Variants in THBS3 observed in about 807,000 individuals in gnomAD.
The protein encoded by THBS3 is thrombospondin-3.
A neutral mutation model predicts 118.3 loss-of-function variants in THBS3; 78 were observed. The observed-to-expected ratio is 0.66, with a 90% CI of 0.55 to 0.80. The LOEUF (loss-of-function observed/expected upper bound fraction) is 0.80, where lower values mean the gene tolerates loss of function less well. Ranked by LOEUF, THBS3 falls within the 30% of genes least tolerant of loss-of-function variation. THBS3 has a pLI of 0.00. For synonymous variants in THBS3, 427 were observed against 475.3 expected, an observed-to-expected ratio of 0.90 and a Z score of 1.32; for missense variants, 1,057 against 1,247.4, an observed-to-expected ratio of 0.85 and a Z score of 2.30.
At chr1:155,208,559 T>G (rs1670869934), upstream of THBS3, 1 of 464,450 alleles carries the variant, frequency 2.2e-6, no homozygotes, top group African/African-American at 2.0e-5. Context: ...AGACCAGGGG[T>G]ACAGGCGAGG....
rs147564978 is a variant in THBS3, at chr1:155,200,558, G to T, written c.1601C>A (p.Ser534Ter). ...GCAATTGTCACAGGCATCACCAAAT[G>T]AATCTGTATCTGAGTTCTGCTGGTC... ...NKDQQNSDTD[S>*]FGDACDNCPN... The change falls in exon 14 of 23, where the codon TCA becomes TAA. Residue 534 changes from serine (S) to a stop codon, truncating the protein, a stop_gained. Transcript: ENST00000368378. LOFTEE classifies it high-confidence loss of function. The T allele has an allele frequency of 1.2e-6, 2 of 1,614,072 alleles. No homozygotes were observed. The highest frequency in any genetic ancestry group is 1.7e-6 in the Non-Finnish European group (2 of 1,180,046).
intron 4 of THBS3, among the ~76,000 whole-genome samples, chr1:155,203,872 C>G (rs1169485149): frequency 6.6e-6 from 1 of 151,336 alleles, no homozygotes; most frequent in African/African-American, 2.4e-5. Context: ...GAGTCTTGCT[C>G]TGTTTCCCAG....
Position 155,197,413 on chromosome 1 carries a change from G to A in THBS3, c.2499+50C>T. On this transcript the variant is annotated intron_variant, in intron 20 of 22. Transcript: ENST00000368378. The surrounding 1 kb of genome is among the most constrained non-coding windows in gnomAD (Gnocchi z 5.0). ...TGGGGGAGGCCCTGGGGCTGCAGAG[G>A]AGAGCTTTGGGAAAGGGCCCTGGGT... 6.3e-7 allele frequency: 1 copy of A among 1,591,664 alleles called. No individual in the cohort carries two copies. Among genetic ancestry groups the A allele is most frequent in the Non-Finnish European group, 8.6e-7 (1 of 1,167,952 alleles).
Position 155,200,913 on chromosome 1 carries a change from C to G in THBS3, c.1532G>C (p.Gly511Ala), listed in dbSNP as rs1571894642. The G allele has an allele frequency of 6.2e-7, 1 of 1,614,032 alleles. No individual in the cohort carries two copies. Among genetic ancestry groups the G allele is most frequent in the South Asian group, 1.1e-5 (1 of 91,074 alleles). ...DQCDDDADGDGIKNVEDNCRL... is the reference protein window; with the variant it reads ...DQCDDDADGDAIKNVEDNCRL... ...GGGAGTCACCTCAACATTCTTGATC[C>G]CATCCCCATCAGCATCATCATCACA... Residue 511 changes from glycine to alanine, a missense_variant, in exon 13 of 23, where the codon GGG becomes GCG. Physicochemically the swap from Gly to Ala is moderately conservative, Grantham distance 60 (BLOSUM62 0). This residue lies in a region of THBS3 where 544 missense variants were observed against 715.6 expected (regional missense o/e 0.76). Transcript: ENST00000368378.
rs1050596327 is a variant in THBS3, at chr1:155,199,931, A to G, written c.1827+64T>C. 3.7e-6 allele frequency: 6 copies of G among 1,611,846 alleles called. No homozygotes were observed. The Admixed American group carries it at 1.0e-4, about 27-fold the overall frequency. ...AGGGTGATCTGACCACTTTCCATCC[A>G]AAGGGCTGGGGCTTCATCCATCAGT... On this transcript the variant is annotated intron_variant, in intron 15 of 22. Transcript: ENST00000368378.
chr1:155,196,947 T>C, intron 21 of THBS3, 94 bp downstream of exon 21: 1 of 1,273,508 alleles, frequency 7.9e-7, no homozygotes, highest in South Asian at 1.4e-5. Flanking sequence ...TGGCTGCAGT[T>C]CCCACCCATG....
At chr1:155,198,243 C>T (rs1285143342) in intron 17 of THBS3, 23 bp from the exon 18 acceptor site, 1 of 1,612,624 alleles carries the variant, frequency 6.2e-7, no homozygotes. Context: ...AGGCTGGGTG[C>T]TCAGGAAGGC....
rs192006680 is a variant in THBS3 at position 155,197,980 on chromosome 1, C to T, written c.2254-52G>A. 1,208 of 1,614,134 alleles carry T rather than the reference C, an allele frequency of 7.5e-4. 5 individuals carry two copies. Among genetic ancestry groups the T allele is most frequent in the Non-Finnish European group, 1.2e-4 (147 of 1,179,994 alleles). ...TGTGATGCAGGTGTGCTATCCCTCC[C>T]AGGCCCCCCGTCCCAGTAGCCCTGT... On this transcript the variant is annotated intron_variant, in intron 18 of 22. Transcript: ENST00000368378. The surrounding 1 kb of genome is among the most constrained non-coding windows in gnomAD (Gnocchi z 5.0).
chr1:155,208,295 C>T (rs1245279910), upstream of THBS3, among the ~76,000 whole-genome samples: 1 of 152,160 alleles, frequency 6.6e-6, no homozygotes, highest in African/African-American at 2.4e-5. Context: ...AGGGAGTGGC[C>T]GCAACTAGCT....
intron 21 of THBS3, 153 bp from the exon 22 acceptor site, chr1:155,196,279 AG>A (rs1668653349): frequency 2.1e-6 from 2 of 937,076 alleles, no homozygotes; most frequent in Admixed American, 2.6e-5. Context: ...CAGGAAGGAG[AG>A]GGAAGGGGGG....
chr1:155,200,248 C>A, intron 14 of THBS3, 135 bp from the exon 15 acceptor site: 1 of 1,017,520 alleles, frequency 9.8e-7, no homozygotes. Flanking sequence ...CTTGTCTCAC[C>A]CTCTAGTCCA....
At chr1:155,207,055 G>A (rs1670659632) in intron 1 of THBS3, among the ~76,000 whole-genome samples, 1 of 152,224 alleles carries the variant, frequency 6.6e-6, no homozygotes, top group East Asian at 1.9e-4. Context: ...TCCCCCACAG[G>A]AGTGGCACCT....
At chr1:155,203,492 G>A (rs369532857) in intron 5 of THBS3, 21 bp downstream of exon 5, 48 of 1,613,146 alleles carry the variant, frequency 3.0e-5, no homozygotes, top group African/African-American at 8.0e-5. Context: ...CCCCGCTTCC[G>A]CTTCAGTGTG....
rs1395487682 is a variant in THBS3 at position 155,199,189 on chromosome 1, TCA to T, written c.1881-589_1881-588del. ...ACTTTGGGAGGCTGAGGCAGGCAAA[TCA>T]CGAGATCAGGAGATCGAGACCATCC... On this transcript the variant is annotated intron_variant, in intron 16 of 22. Coordinates refer to ENST00000368378, the MANE Select transcript of THBS3 (RefSeq NM_007112.5). 4.0e-5 allele frequency among the ~76,000 whole-genome samples: 6 copies of T among 148,664 alleles called. No individual in the cohort carries two copies. In the East Asian group the frequency reaches 1.2e-3, roughly 29 times the overall value.
upstream of THBS3, chr1:155,209,154 T>C (rs527512238): frequency 1.8e-4 from 273 of 1,515,770 alleles, 2 homozygotes; most frequent in Middle Eastern, 1.6e-3. Context: ...CCAGGCCCCC[T>C]GACCGCAACG....
chr1:155,199,409 CA>C (rs11355526), intron 16 of THBS3, among the ~76,000 whole-genome samples: 73,074 of 121,552 alleles, frequency 0.6, 20,209 homozygotes, highest in East Asian at 0.77. Flanking sequence ...GACTCCGTCT[CA>C]AAAAAAAAAA....
rs1345271356 is a variant in THBS3, at chr1:155,198,462, G to A, written c.2021C>T (p.Pro674Leu). 6 of 1,614,194 alleles carry A rather than the reference G, an allele frequency of 3.7e-6. No individual in the cohort carries two copies. The highest frequency in any genetic ancestry group is 5.1e-6 in the Non-Finnish European group (6 of 1,180,030). The stretch of plus-strand genomic sequence containing the variant: ...TACCAGGCGGCAGTTATCGGGACCA[G>A]GAGGCACATAATCTGGGATGCCATC... ...DNDGIPDYVP[P>L]GPDNCRLVPN... is the part of the protein sequence containing the mutation. The change falls in exon 17 of 23, where the codon CCT becomes CTT. Residue 674 changes from proline (P) to leucine (L), a missense_variant. Transcript: ENST00000368378.
Position 155,202,274 on chromosome 1 carries a change from C to T in THBS3, c.1085G>A (p.Arg362Gln), listed in dbSNP as rs1340791242. Residue 362 changes from arginine to glutamine, a missense_variant, in exon 9 of 23, where the codon CGG (arginine) becomes CAG (glutamine). Arg to Gln is a conservative substitution (Grantham distance 43). Around this residue, in one of 3 missense-constraint regions of THBS3, gnomAD observed 544 missense variants for 715.6 expected, o/e 0.76. Transcript: ENST00000368378. The surrounding 1 kb of genome is among the most constrained non-coding windows in gnomAD (Gnocchi z 5.5). ...ACCCAGTCTGACCTGTTTGCTGGCCCGGGCATAGTCAATGCCCACACCAGA... is the reference window on the plus strand; with the variant it reads ...ACCCAGTCTGACCTGTTTGCTGGCCTGGGCATAGTCAATGCCCACACCAGA... The part of the protein sequence containing the change: ...QVSGVGIDYA[R>Q]ASKQVCNDID... 28 of 1,613,858 alleles carry T rather than the reference C, an allele frequency of 1.7e-5. No individual in the cohort carries two copies. The highest frequency in any genetic ancestry group is 6.7e-5 in the East Asian group (3 of 44,904).
In THBS3 at chr1:155,195,968, T is replaced by C. The variant is rs1668596112; in HGVS notation, c.2812+19A>G. 1 of 1,614,186 alleles carries C rather than the reference T, an allele frequency of 6.2e-7. No homozygotes were observed. The highest frequency in any genetic ancestry group is 1.1e-5 in the South Asian group (1 of 91,088). On this transcript the variant is annotated intron_variant, in intron 22 of 22. Coordinates refer to ENST00000368378, the MANE Select transcript of THBS3 (RefSeq NM_007112.5). ...CACAAGGCATGAAGGATTAGGTTGA[T>C]CTCAATCAGCCACCTCACCATTGCA...
Sources: gnomAD v4.1 joint callset for allele counts (sites outside exome capture counted in the v4.1 genomes callset) on GRCh38, gnomAD v4.1.1 for gene constraint, gnomAD v4.1.1 regional missense constraint, Gnocchi (gnomAD v3.1) non-coding constraint, MANE v1.5 for transcripts, NCBI Gene and HGNC (gene_info 2026-07-23, HGNC 2026-07-21) for gene names.